Variants in MYO3A observed in about 807,000 individuals in gnomAD.
MYO3A encodes myosin-IIIa.
Under a neutral mutation model 192.7 loss-of-function variants are expected in MYO3A, and 180 were observed. That is an observed-to-expected ratio of 0.93 (90% CI 0.83 to 1.06). MYO3A has a LOEUF of 1.06. Among genes scored for constraint, MYO3A ranks in the 50% least tolerant of loss-of-function variants. MYO3A has a pLI of 0.00. For missense variants in MYO3A, 1,896 were observed against 1,905.0 expected (o/e 1.00, Z 0.09); for synonymous variants, 628 against 645.3 (o/e 0.97, Z 0.41).
chr10:25,940,299 G>GT lies in MYO3A; in HGVS notation c.-18+4479dup, dbSNP rs1020742276. On this transcript the variant is annotated intron_variant, in intron 2 of 34. Transcript: ENST00000642920. ...AATTGAATGACTTTTGTAAAGTCAG[G>GT]TTTTTTTTTTCTGCTAATATTTTGG... Among the ~76,000 whole-genome samples, 968 of 147,526 alleles carry GT rather than the reference G, an allele frequency of 6.6e-3. 6 individuals carry two copies. Among genetic ancestry groups the GT allele is most frequent in the African/African-American group, 0.019 (777 of 40,546 alleles).
chr10:26,001,824 C>T (rs1035697789), intron 6 of MYO3A, among the ~76,000 whole-genome samples: 1 of 152,134 alleles, frequency 6.6e-6, no homozygotes, highest in Non-Finnish European at 1.5e-5. Context: ...TCTACAAAAA[C>T]TTATTTTAAA....
At chr10:26,181,372 G>C (rs577655145) in intron 31 of MYO3A, among the ~76,000 whole-genome samples, 3 of 152,242 alleles carry the variant, frequency 2.0e-5, no homozygotes, top group South Asian at 4.1e-4. Flanking sequence ...GATAGATTTG[G>C]ATTACATGAA....
chr10:26,013,740 T>C (rs10828933), intron 6 of MYO3A, among the ~76,000 whole-genome samples: 3 of 151,976 alleles, frequency 2.0e-5, no homozygotes, highest in South Asian at 4.2e-4. Context: ...TAAAAGTAGA[T>C]CTACCATTTG....
At chr10:26,015,256 C>G (rs1841925665) in intron 6 of MYO3A, among the ~76,000 whole-genome samples, 1 of 151,946 alleles carries the variant, frequency 6.6e-6, no homozygotes, top group Non-Finnish European at 1.5e-5. Flanking sequence ...CTCATTATAC[C>G]AACATTCTGC....
At chr10:25,996,714 T>C in intron 5 of MYO3A, 120 bp downstream of exon 5, 2 of 833,746 alleles carry the variant, frequency 2.4e-6, no homozygotes, top group Non-Finnish European at 4.0e-6. Flanking sequence ...GATGGAAGAA[T>C]ATATGCAAAA....
intron 17 of MYO3A, among the ~76,000 whole-genome samples, chr10:26,116,832 G>T (rs1209648132): frequency 1.3e-5 from 2 of 152,124 alleles, no homozygotes; most frequent in African/African-American, 2.4e-5. Context: ...CTCCATAGAT[G>T]CCAGTAGCAC....
rs776428448 is a variant in MYO3A at position 26,145,433 on chromosome 10, T to C, written c.2417-13T>C. 1.3e-6 allele frequency: 2 copies of C among 1,527,532 alleles called. No individual in the cohort carries two copies. Among genetic ancestry groups the C allele is most frequent in the Admixed American group, 3.3e-5 (2 of 59,870 alleles). The allele number at this position is 1,527,532 out of a possible 1,614,324, so 94.6% of individuals were successfully genotyped here. On this transcript the variant is annotated splice_polypyrimidine_tract_variant and intron_variant, in intron 21 of 34. Coordinates refer to ENST00000642920, the MANE Select transcript of MYO3A (RefSeq NM_017433.5). ...ATACATGCTTGATATTTGAGTTCAGTATTTTTCTACAGAAAAATTTGAAGG... is the reference window on the plus strand; with the variant it reads ...ATACATGCTTGATATTTGAGTTCAGCATTTTTCTACAGAAAAATTTGAAGG...
At chr10:26,204,583 T>C (rs1358563542) in intron 34 of MYO3A, 2 of 152,256 alleles carry the variant, frequency 1.3e-5, no homozygotes, top group Non-Finnish European at 2.9e-5. Flanking sequence ...GCAGTTACTA[T>C]TATTGCCCCA....
chr10:26,179,571 C>A (rs913523724), intron 31 of MYO3A, among the ~76,000 whole-genome samples: 1 of 152,114 alleles, frequency 6.6e-6, no homozygotes, highest in African/African-American at 2.4e-5. Context: ...TTTCTAAGAA[C>A]CCATTGACAT....
At chr10:26,060,766 T>A (rs970994132) in intron 10 of MYO3A, among the ~76,000 whole-genome samples, 1 of 152,132 alleles carries the variant, frequency 6.6e-6, no homozygotes, top group Non-Finnish European at 1.5e-5. Context: ...TGCGAAAAGG[T>A]AGATGGACTT....
chr10:26,085,493 T>C (rs1247389868), intron 14 of MYO3A, among the ~76,000 whole-genome samples: 1 of 152,200 alleles, frequency 6.6e-6, no homozygotes, highest in African/African-American at 2.4e-5. Context: ...TACTTTCCCT[T>C]TTACTTTCTT....
Position 26,021,623 on chromosome 10 carries a change from A to G in MYO3A, c.706A>G (p.Met236Val), listed in dbSNP as rs766118638. The change falls in exon 8 of 35, where the codon ATG (methionine) becomes GTG (valine). Residue 236 changes from methionine to valine, a missense_variant. Transcript: ENST00000642920. ...TCCTCCACTAGCTGACCTTCATCCCATGAGAGCACTCTTCAAAATACCAAG... is the reference window on the plus strand; with the variant it reads ...TCCTCCACTAGCTGACCTTCATCCCGTGAGAGCACTCTTCAAAATACCAAG... ...GDPPLADLHP[M>V]RALFKIPRNP... 32 of 1,614,028 alleles carry G rather than the reference A, an allele frequency of 2.0e-5. No individual in the cohort carries two copies. Among genetic ancestry groups the G allele is most frequent in the South Asian group, 1.8e-4 (16 of 91,088 alleles).
intron 30 of MYO3A, among the ~76,000 whole-genome samples, chr10:26,176,215 AC>A (rs1455324580): frequency 1.3e-5 from 2 of 151,350 alleles, no homozygotes; most frequent in African/African-American, 4.9e-5. Context: ...AATGGCGTGA[AC>A]CCGGGAGGCG....
At chr10:26,017,321 G>A (rs1332518091) in intron 7 of MYO3A, among the ~76,000 whole-genome samples, 1 of 152,142 alleles carries the variant, frequency 6.6e-6, no homozygotes, top group Non-Finnish European at 1.5e-5. Context: ...CACTCTGCCT[G>A]GGGGCTATGC....
chr10:26,136,045 A>G (rs930676257), intron 20 of MYO3A, among the ~76,000 whole-genome samples: 1 of 151,430 alleles, frequency 6.6e-6, no homozygotes, highest in Non-Finnish European at 1.5e-5. Flanking sequence ...ATCTACCCCT[A>G]ACCACACACA....
intron 20 of MYO3A, 78 bp downstream of exon 20, chr10:26,128,616 A>G: frequency 7.1e-7 from 1 of 1,410,908 alleles, no homozygotes; most frequent in Non-Finnish European, 9.9e-7. Flanking sequence ...GCAGGACCTT[A>G]ACCATAGATT....
At chr10:26,127,787 A>C (rs983435518) in intron 19 of MYO3A, among the ~76,000 whole-genome samples, 10 of 151,732 alleles carry the variant, frequency 6.6e-5, no homozygotes, top group African/African-American at 2.4e-4. Context: ...GAAATACTTA[A>C]TTGTAAAATA....
At chr10:26,128,710 G>A (rs1839366144) in intron 20 of MYO3A, among the ~76,000 whole-genome samples, 172 bp downstream of exon 20, 1 of 152,118 alleles carries the variant, frequency 6.6e-6, no homozygotes, top group East Asian at 1.9e-4. Flanking sequence ...AAAAAAACTG[G>A]TGTGAATTTA....
chr10:26,137,832 C>T (rs771819199), intron 20 of MYO3A, among the ~76,000 whole-genome samples: 5 of 152,156 alleles, frequency 3.3e-5, no homozygotes, highest in Non-Finnish European at 5.9e-5. Context: ...CCTGCAGTAC[C>T]CTCAGGCTTA....
Sources: gnomAD v4.1 joint callset for allele counts (sites outside exome capture counted in the v4.1 genomes callset) on GRCh38, gnomAD v4.1.1 for gene constraint, MANE v1.5 for transcripts, NCBI Gene and HGNC (gene_info 2026-07-23, HGNC 2026-07-21) for gene names.